TMEM120B: variants seen among roughly 807,000 people sequenced by gnomAD.
The protein encoded by TMEM120B is transmembrane protein 120B.
Under a neutral mutation model 55.5 loss-of-function variants are expected in TMEM120B, and 31 were observed. The observed-to-expected ratio is 0.56, with a 90% CI of 0.42 to 0.75. The LOEUF (loss-of-function observed/expected upper bound fraction) is 0.75, where lower values mean the gene tolerates loss of function less well. Among genes scored for constraint, TMEM120B ranks in the 30% least tolerant of loss-of-function variants. TMEM120B has a pLI of 0.00. For synonymous variants in TMEM120B, 203 were observed against 176.3 expected, an observed-to-expected ratio of 1.15 and a Z score of -1.20; for missense variants, 399 against 425.5, an observed-to-expected ratio of 0.94 and a Z score of 0.55.
intron 5 of TMEM120B, among the ~76,000 whole-genome samples, chr12:121,753,296 G>C (rs1424522865): frequency 1.3e-5 from 2 of 152,182 alleles, no homozygotes; most frequent in Non-Finnish European, 1.5e-5. Context: ...TGGTGGCCAG[G>C]GGCTGCGGGA....
At chr12:121,724,805 T>A (rs1443970092) in intron 1 of TMEM120B, among the ~76,000 whole-genome samples, 1 of 151,088 alleles carries the variant, frequency 6.6e-6, no homozygotes, top group Non-Finnish European at 1.5e-5. Context: ...AGAGACGAGG[T>A]TTCACCACAT....
At chr12:121,725,536 T>A (rs184329211) in intron 1 of TMEM120B, among the ~76,000 whole-genome samples, 84 of 152,280 alleles carry the variant, frequency 5.5e-4, no homozygotes, top group African/African-American at 1.9e-3. Flanking sequence ...CATCGGATCT[T>A]CATAGCAGCA....
At position 121,750,438 on chromosome 12, in the gene TMEM120B, A is replaced by G; in HGVS notation, c.364A>G (p.Lys122Glu). The stretch of plus-strand genomic sequence containing the variant: ...CGTGACCCTCCTCAGCAACCAGGCC[A>G]AGTAAGTGTCCCCCACCCACCACCC... ...VNVTLLSNQA[K>E]FAYKDEYEKF... Residue 122 changes from lysine to glutamate, a missense_variant and splice_region_variant, in exon 4 of 12, where the codon AAG (lysine) becomes GAG (glutamate). By Grantham distance (56) the Lys-to-Glu change is moderately conservative. Around this residue, in one of 3 missense-constraint regions of TMEM120B, gnomAD observed 260 missense variants for 303.9 expected, o/e 0.86. Transcript: ENST00000449592. 1.2e-6 allele frequency: 2 copies of G among 1,611,864 alleles called. No homozygotes were observed. The highest frequency in any genetic ancestry group is 1.1e-5 in the South Asian group (1 of 91,044).
intron 5 of TMEM120B, among the ~76,000 whole-genome samples, chr12:121,760,630 C>T (rs1385165336): frequency 6.6e-6 from 1 of 152,192 alleles, no homozygotes; most frequent in Non-Finnish European, 1.5e-5. Context: ...CCCACTTGCT[C>T]AGCTCCTGAG....
intron 1 of TMEM120B, among the ~76,000 whole-genome samples, chr12:121,714,355 C>G (rs113338358): frequency 0.044 from 6,622 of 152,132 alleles, 189 homozygotes; most frequent in Non-Finnish European, 0.068. Flanking sequence ...CTCCCGGGTT[C>G]GAGCCATTCT....
At chr12:121,750,288 TG>T (rs1258751607) in intron 3 of TMEM120B, 91 bp from the exon 4 acceptor site, 2 of 1,214,526 alleles carry the variant, frequency 1.6e-6, no homozygotes, top group Admixed American at 3.4e-5. Context: ...CATCAGTGCT[TG>T]GGATGTGCTC....
Position 121,773,475 on chromosome 12 carries a change from G to T in TMEM120B, c.734G>T (p.Arg245Leu). The T allele has an allele frequency of 6.2e-7, 1 of 1,606,688 alleles. No homozygotes were observed. ...CAGAGGGGCTGCCTCTACCGGCTGC[G>T]GGCCCTGGGGGAGAGGAACCACCTG... ...YYQRGCLYRL[R>L]ALGERNHLDL... The change falls in exon 9 of 12, where the codon CGG becomes CTG. Residue 245 changes from arginine to leucine, a missense_variant. Transcript: ENST00000449592.
intron 4 of TMEM120B, among the ~76,000 whole-genome samples, chr12:121,751,401 C>T (rs1215040322): frequency 1.2e-4 from 16 of 131,728 alleles, no homozygotes; most frequent in African/African-American, 4.4e-4. Flanking sequence ...CATCCCACCC[C>T]ACTCTCACCC....
rs934948137 is a variant in TMEM120B, at chr12:121,775,519, G to T, written c.907-90G>T. 1.9e-4 allele frequency: 290 copies of T among 1,507,196 alleles called. No individual in the cohort carries two copies. The highest frequency in any genetic ancestry group is 1.9e-4 in the Non-Finnish European group (216 of 1,131,922). 93.4% of individuals were successfully genotyped at this position (1,507,196 alleles called of 1,614,324 possible). A position where few individuals can be genotyped will look rare whatever the true frequency, so the allele number is the denominator to read the frequency against. On this transcript the variant is annotated intron_variant, in intron 11 of 11. Coordinates refer to ENST00000449592, the MANE Select transcript of TMEM120B (RefSeq NM_001080825.2). This position sits in a 1 kb window ranked among gnomAD's most constrained non-coding sequence, Gnocchi z 4.3. ...AAACCCTGCAGTTTGGGAGTTTGGGGGCAGCTGTGCTGGAGATTCTGGGGT... is the reference window on the plus strand; with the variant it reads ...AAACCCTGCAGTTTGGGAGTTTGGGTGCAGCTGTGCTGGAGATTCTGGGGT...
intron 1 of TMEM120B, among the ~76,000 whole-genome samples, chr12:121,714,700 T>G (rs933531721): frequency 2.0e-5 from 3 of 151,748 alleles, no homozygotes; most frequent in African/African-American, 7.3e-5. Context: ...TAGCAGAGAT[T>G]ATAGGTGCGC....
At chr12:121,758,910 C>T (rs1290358012) in intron 5 of TMEM120B, 7 of 982,264 alleles carry the variant, frequency 7.1e-6, no homozygotes, top group African/African-American at 1.8e-5. Flanking sequence ...GGCCTAGCCC[C>T]GTGCTGTGGT....
chr12:121,760,052 A>ACCCAG, intron 5 of TMEM120B, among the ~76,000 whole-genome samples: 1 of 147,570 alleles, frequency 6.8e-6, no homozygotes, highest in Admixed American at 7.0e-5. Flanking sequence ...AATCACTTGA[A>ACCCAG]CCCAGGAGGC....
chr12:121,770,653 T>A (rs1343966197), intron 6 of TMEM120B, among the ~76,000 whole-genome samples: 1 of 151,534 alleles, frequency 6.6e-6, no homozygotes, highest in Non-Finnish European at 1.5e-5. Flanking sequence ...AGGCTAGGGG[T>A]GTGCTCTGAG....
intron 6 of TMEM120B, among the ~76,000 whole-genome samples, chr12:121,767,384 T>A (rs929071263): frequency 2.0e-5 from 3 of 152,152 alleles, no homozygotes; most frequent in African/African-American, 7.2e-5. Context: ...ATGGTCTCGA[T>A]CTCCTGACCT....
At chr12:121,772,026 CCTTTCTTTCTTTCT>C (rs368761287) in intron 8 of TMEM120B, among the ~76,000 whole-genome samples, 20,539 of 150,522 alleles carry the variant, frequency 0.14, 2,171 homozygotes, top group African/African-American at 0.29. Context: ...CCTTTCTTTC[CCTTTCTTTCTTTCT>C]CTTTCTTTCT....
intron 4 of TMEM120B, among the ~76,000 whole-genome samples, chr12:121,751,812 C>T (rs761913319): frequency 2.6e-5 from 4 of 152,268 alleles, no homozygotes; most frequent in South Asian, 2.1e-4. Flanking sequence ...TCCAGACAGC[C>T]GCAAACCCTG....
chr12:121,756,582 T>C (rs1873481286), intron 5 of TMEM120B, among the ~76,000 whole-genome samples: 1 of 152,172 alleles, frequency 6.6e-6, no homozygotes, highest in African/African-American at 2.4e-5. Flanking sequence ...GGCCGCTGGG[T>C]GCAGTCTATC....
Position 121,740,015 on chromosome 12 carries a change from G to T in TMEM120B, c.70-3614G>T, listed in dbSNP as rs190778874. Reference sequence around the variant, plus strand: ...CCTGGTCTCAAACTCCTGACCTCAGGTGATCGGCCCATCTTGGCCTCCCAA... The same window carrying T: ...CCTGGTCTCAAACTCCTGACCTCAGTTGATCGGCCCATCTTGGCCTCCCAA... On this transcript the variant is annotated intron_variant, in intron 1 of 11. Coordinates refer to ENST00000449592, the MANE Select transcript of TMEM120B (RefSeq NM_001080825.2). 1.6e-4 allele frequency among the ~76,000 whole-genome samples: 24 copies of T among 152,094 alleles called. 1 individual carries two copies. The highest frequency in any genetic ancestry group is 1.2e-3 in the Admixed American group (19 of 15,252).
chr12:121,726,590 T>A (rs56174407), intron 1 of TMEM120B, among the ~76,000 whole-genome samples: 60,180 of 140,882 alleles, frequency 0.43, 13,639 homozygotes, highest in African/African-American at 0.6. Context: ...AAAAAAAAAA[T>A]AAAATAAAAT....
Sources: allele counts gnomAD v4.1 joint callset (sites outside exome capture counted in the v4.1 genomes callset), GRCh38; gene constraint gnomAD v4.1.1; regional missense constraint gnomAD v4.1.1; non-coding constraint Gnocchi (gnomAD v3.1); transcripts MANE v1.5; gene names NCBI Gene and HGNC (gene_info 2026-07-23, HGNC 2026-07-21).